Variants in TBXAS1 observed in about 807,000 individuals in gnomAD.
TBXAS1 encodes the protein thromboxane A synthase 1.
In TBXAS1, 48 loss-of-function variants were observed where a neutral mutation model predicts 60.7. The observed-to-expected ratio is 0.79, with a 90% CI of 0.63 to 1.01. TBXAS1 has a LOEUF of 1.01. Among genes scored for constraint, TBXAS1 ranks in the 50% least tolerant of loss-of-function variants. The pLI, the probability that TBXAS1 is intolerant of heterozygous loss-of-function variation, is 0.00. For synonymous variants in TBXAS1, 287 were observed against 269.7 expected (o/e 1.06, Z -0.63); for missense variants, 685 against 686.3 (o/e 1.00, Z 0.02).
intron 6 of TBXAS1, among the ~76,000 whole-genome samples, chr7:139,954,714 A>G (rs1465064329): frequency 6.6e-6 from 1 of 152,234 alleles, no homozygotes; most frequent in Non-Finnish European, 1.5e-5. Context: ...ATTTGAGTTT[A>G]AAATGGCCTT....
At chr7:139,984,895 CAAAGAAAGAAAGG>C (rs1328256395) in intron 9 of TBXAS1, among the ~76,000 whole-genome samples, 1 of 100,220 alleles carries the variant, frequency 1.0e-5, no homozygotes, top group Non-Finnish European at 2.1e-5. Context: ...AAGAAAGCAG[CAAAGAAAGAAAGG>C]AAAGAAAGAA....
In TBXAS1 at chr7:139,890,899, T is replaced by G. The variant is rs190709110; in HGVS notation, c.236+15262T>G. ...AACCATTCCAATTGTGTTTAATGTG[T>G]TTTTTTTTCACATGTTCTTGCAAAT... On this transcript the variant is annotated intron_variant, in intron 3 of 12. Transcript: ENST00000448866. 7.8e-3 allele frequency among the ~76,000 whole-genome samples: 1,137 copies of G among 145,274 alleles called. 12 individuals carry two copies. The highest frequency in any genetic ancestry group is 0.03 in the African/African-American group (1,077 of 35,836).
chr7:139,976,819 C>T (rs1215423283), intron 9 of TBXAS1, among the ~76,000 whole-genome samples: 1 of 152,146 alleles, frequency 6.6e-6, no homozygotes, highest in Non-Finnish European at 1.5e-5. Flanking sequence ...TGCATAGTGA[C>T]ATTGGGTTGC....
At position 139,870,834 on chromosome 7, in the gene TBXAS1, A is replaced by G. The variant is rs187261531; in HGVS notation, c.90-1401A>G. On this transcript the variant is annotated intron_variant, in intron 1 of 12. Coordinates refer to ENST00000448866, the MANE Select transcript of TBXAS1 (RefSeq NM_001061.7). ...CCAGGTGTGGTGGCTTATGCCTTTA[A>G]TCCCAGCACTTTGGGAGGCCAAGGC... Among the ~76,000 whole-genome samples the G allele has an allele frequency of 3.2e-3, 492 of 152,312 alleles. 2 individuals carry two copies. Among genetic ancestry groups the G allele is most frequent in the Non-Finnish European group, 4.3e-3 (293 of 68,028 alleles).
intron 1 of TBXAS1, among the ~76,000 whole-genome samples, chr7:139,849,519 A>C (rs1366226044): frequency 6.6e-6 from 1 of 152,126 alleles, no homozygotes; most frequent in East Asian, 1.9e-4. Flanking sequence ...ACCTAGCTTC[A>C]AGAGTGTTGA....
chr7:139,994,427 A>G (rs1218562848), intron 9 of TBXAS1, among the ~76,000 whole-genome samples: 2 of 152,176 alleles, frequency 1.3e-5, no homozygotes, highest in Non-Finnish European at 2.9e-5. Flanking sequence ...TAAGCTGGCC[A>G]CACAAATGGA....
chr7:140,020,014 C>G lies in TBXAS1; in HGVS notation c.1528-11C>G, dbSNP rs1365154858. The G allele has an allele frequency of 2.5e-6, 4 of 1,613,050 alleles. No homozygotes were observed. The highest frequency in any genetic ancestry group is 2.2e-5 in the South Asian group (2 of 91,066). On this transcript the variant is annotated splice_polypyrimidine_tract_variant and intron_variant, in intron 12 of 12. Transcript: ENST00000448866. ...TCTCTTTGACAAATATTTTAATTTT[C>G]TCTATTTTAGGTACCGCTGCAGCTA...
rs1445357799 is a variant in TBXAS1, at chr7:139,896,662, C to T, written c.237-14563C>T. ...ATGTATACTTATAAAGTTGTTTGAA[C>T]TTATCTACTTAGAAATGAGACTGTG... is the stretch of plus-strand genomic sequence containing the variant. On this transcript the variant is annotated intron_variant, in intron 3 of 12. Coordinates refer to ENST00000448866, the MANE Select transcript of TBXAS1 (RefSeq NM_001061.7). This position sits in a 1 kb window ranked among gnomAD's most constrained non-coding sequence, Gnocchi z 4.0. Among the ~76,000 whole-genome samples the T allele has an allele frequency of 2.0e-5, 3 of 152,146 alleles. No homozygotes were observed. Among genetic ancestry groups the T allele is most frequent in the Non-Finnish European group, 4.4e-5 (3 of 68,016 alleles).
At chr7:139,879,418 A>G (rs114092849) in intron 3 of TBXAS1, among the ~76,000 whole-genome samples, 2,323 of 152,316 alleles carry the variant, frequency 0.015, 34 homozygotes, top group African/African-American at 0.033. Flanking sequence ...CAACCTGGCC[A>G]TGTAACACAA....
At chr7:139,809,241 A>AGAT (rs771610841) in intron 4 of TBXAS1, among the ~76,000 whole-genome samples, 5,060 of 47,812 alleles carry the variant, frequency 0.11, 117 homozygotes, top group Middle Eastern at 0.17. Flanking sequence ...GATGATAGAT[A>AGAT]GATAGATAGA....
At chr7:139,904,989 C>CTCTCTCTT (rs1804866695) in intron 3 of TBXAS1, among the ~76,000 whole-genome samples, 1 of 128,718 alleles carries the variant, frequency 7.8e-6, no homozygotes, top group Non-Finnish European at 1.6e-5. Flanking sequence ...TTCTCTTTCT[C>CTCTCTCTT]TCTTTCTCTC....
chr7:139,805,238 A>G (rs887098790), intron 4 of TBXAS1, among the ~76,000 whole-genome samples: 3 of 152,276 alleles, frequency 2.0e-5, no homozygotes, highest in Non-Finnish European at 2.9e-5. Flanking sequence ...TGAGGTATAT[A>G]TATTATCATC....
rs1569522805 is a variant in TBXAS1, at chr7:139,986,791, G to GTA, written c.1135-20299_1135-20298insAT. Among the ~76,000 whole-genome samples, 127 of 42,300 alleles carry GTA rather than the reference G, an allele frequency of 3.0e-3. 4 individuals carry two copies. Among genetic ancestry groups the GTA allele is most frequent in the Middle Eastern group, 0.023 (2 of 88 alleles). 27.8% of individuals were successfully genotyped at this position (42,300 alleles called of 152,430 possible). A position where few individuals can be genotyped will look rare whatever the true frequency, so the allele number is the denominator to read the frequency against. On this transcript the variant is annotated intron_variant, in intron 9 of 12. Transcript: ENST00000448866. Reference sequence around the variant, plus strand: ...TGTGTGTGTGTGTGTGTGTGTGTGTGTGTGTGTGTATATATATATATATAT... The same window carrying GTA: ...TGTGTGTGTGTGTGTGTGTGTGTGTGTATGTGTGTGTATATATATATATATAT...
intron 4 of TBXAS1, among the ~76,000 whole-genome samples, chr7:139,921,236 T>C (rs1283637187): frequency 1.3e-5 from 2 of 152,148 alleles, no homozygotes; most frequent in African/African-American, 4.8e-5. Context: ...CTCTTCTCAG[T>C]CAACCCATCC....
intron 9 of TBXAS1, among the ~76,000 whole-genome samples, chr7:139,984,927 A>AGAAAGAAAGAAG: frequency 8.1e-6 from 1 of 124,218 alleles, no homozygotes; most frequent in South Asian, 2.4e-4. Context: ...AAAGAAGGAA[A>AGAAAGAAAGAAG]GAAAGAAAGA....
intron 12 of TBXAS1, among the ~76,000 whole-genome samples, chr7:140,018,925 C>T (rs566803221): frequency 6.6e-6 from 1 of 152,310 alleles, no homozygotes; most frequent in African/African-American, 2.4e-5. Context: ...CACTCCCAAG[C>T]TCTCCCTCCT....
chr7:140,019,988 A>G, intron 12 of TBXAS1, 37 bp from the exon 13 acceptor site: 1 of 1,594,374 alleles, frequency 6.3e-7, no homozygotes, highest in Admixed American at 1.7e-5. Flanking sequence ...AGATGCTACT[A>G]TCTCTTTGAC....
At chr7:139,859,926 G>A (rs879854526) in intron 1 of TBXAS1, among the ~76,000 whole-genome samples, 3 of 152,170 alleles carry the variant, frequency 2.0e-5, no homozygotes, top group Admixed American at 2.0e-4. Context: ...ATCACTTGAG[G>A]TTAGGAGTTC....
At chr7:139,919,717 C>A (rs548244285) in intron 4 of TBXAS1, among the ~76,000 whole-genome samples, 2 of 152,326 alleles carry the variant, frequency 1.3e-5, no homozygotes, top group South Asian at 4.1e-4. Flanking sequence ...AATCACTGGG[C>A]TGGTGCATGA....
Sources: allele counts gnomAD v4.1 joint callset (sites outside exome capture counted in the v4.1 genomes callset), GRCh38; gene constraint gnomAD v4.1.1; non-coding constraint Gnocchi (gnomAD v3.1); transcripts MANE v1.5; gene names NCBI Gene and HGNC (gene_info 2026-07-23, HGNC 2026-07-21).